The following ZC4H2 variants were observed in gnomAD, a reference collection of about 807,000 sequenced individuals.
ZC4H2 encodes zinc finger C4H2 domain-containing protein.
For missense variants in ZC4H2, 137 were observed against 173.9 expected, an observed-to-expected ratio of 0.79 and a Z score of 1.19; for synonymous variants, 84 against 66.3, an observed-to-expected ratio of 1.27 and a Z score of -1.30.
rs1264609979 is a variant in ZC4H2 at position 64,928,777 on chromosome X, CTCT to C, written c.54-6792_54-6790del. On this transcript the variant is annotated intron_variant, in intron 1 of 4. Coordinates refer to ENST00000374839, the MANE Select transcript of ZC4H2 (RefSeq NM_018684.4). ...CTTCTTTTCTTCTTCTTTTCTTCTT[CTCT>C]TCTTCTTCTTTTTCTTCTCCTTCTT... is the stretch of plus-strand genomic sequence containing the variant. 2.2e-3 allele frequency among the ~76,000 whole-genome samples: 211 copies of C among 96,045 alleles called. 1 individual carries two copies. The highest frequency in any genetic ancestry group is 6.9e-3 in the African/African-American group (177 of 25,702). The allele number at this position is 96,045 out of a possible 115,157, so 83.4% of individuals were successfully genotyped here.
intron 1 of ZC4H2, among the ~76,000 whole-genome samples, chrX:65,027,976 T>C (rs1932896449): frequency 8.9e-6 from 1 of 112,034 alleles, no homozygotes; most frequent in Non-Finnish European, 1.9e-5. Context: ...AACTACCAAA[T>C]GGCTATTCCA....
intron 1 of ZC4H2, among the ~76,000 whole-genome samples, chrX:65,014,679 T>A (rs1932785919): frequency 8.9e-6 from 1 of 111,996 alleles, no homozygotes; most frequent in Admixed American, 9.5e-5. Flanking sequence ...GTGAATAAAC[T>A]ATCTCCAAAG....
intron 1 of ZC4H2, among the ~76,000 whole-genome samples, chrX:64,947,845 CTTT>C (rs755382195): frequency 2.0e-5 from 2 of 100,885 alleles, no homozygotes; most frequent in South Asian, 4.3e-4. Context: ...TGTCACTTCT[CTTT>C]TTTTTTTTTT....
intron 1 of ZC4H2, among the ~76,000 whole-genome samples, chrX:64,988,899 A>G (rs1381163751): frequency 9.5e-6 from 1 of 105,363 alleles, no homozygotes; most frequent in Non-Finnish European, 1.9e-5. Context: ...TAATTTTTGT[A>G]TAAGGTGTAA....
chrX:65,008,962 G>T (rs1602452467), intron 1 of ZC4H2, among the ~76,000 whole-genome samples: 1 of 111,489 alleles, frequency 9.0e-6, no homozygotes, highest in African/African-American at 3.3e-5. Context: ...TAAAAGAGTA[G>T]AATTAAAATG....
chrX:64,972,803 T>C (rs1390355650), intron 1 of ZC4H2, among the ~76,000 whole-genome samples: 2 of 112,012 alleles, frequency 1.8e-5, no homozygotes, highest in African/African-American at 6.5e-5. Flanking sequence ...CTTCAGTTTC[T>C]TTGACCCTTT....
At chrX:64,987,052 C>A (rs181031263) in intron 1 of ZC4H2, among the ~76,000 whole-genome samples, 85 of 107,850 alleles carry the variant, frequency 7.9e-4, no homozygotes, top group Middle Eastern at 4.8e-3. Context: ...CTCAGCCTCC[C>A]GAGTAGCTGG....
intron 4 of ZC4H2, chrX:64,918,454 T>C (rs1188606321): frequency 8.8e-6 from 1 of 113,745 alleles, no homozygotes; most frequent in East Asian, 2.8e-4. Context: ...TGACCCCTGC[T>C]CTAGAAGAAT....
chrX:64,943,388 AT>A (rs1223982099), intron 1 of ZC4H2, among the ~76,000 whole-genome samples: 1 of 111,120 alleles, frequency 9.0e-6, no homozygotes, highest in African/African-American at 3.3e-5. Flanking sequence ...ATATCCTTGT[AT>A]TTTTTTCCAT....
At chrX:65,008,684 C>T (rs1270685289) in intron 1 of ZC4H2, among the ~76,000 whole-genome samples, 3 of 111,785 alleles carry the variant, frequency 2.7e-5, no homozygotes, top group Middle Eastern at 4.2e-3. Flanking sequence ...GAACTGGTGG[C>T]CATTATGTTA....
intron 1 of ZC4H2, among the ~76,000 whole-genome samples, chrX:64,995,098 A>G (rs1324350696): frequency 2.8e-5 from 3 of 106,612 alleles, no homozygotes; most frequent in Non-Finnish European, 5.8e-5. Context: ...GTTTCACAGA[A>G]TCCCCTTGTC....
At chrX:64,942,632 T>G (rs920018210) in intron 1 of ZC4H2, among the ~76,000 whole-genome samples, 1 of 111,071 alleles carries the variant, frequency 9.0e-6, no homozygotes, top group Non-Finnish European at 1.9e-5. Context: ...GTTTTCAGCT[T>G]CATCAATGTC....
At chrX:64,999,689 T>C (rs764339421) in intron 1 of ZC4H2, among the ~76,000 whole-genome samples, 3 of 112,458 alleles carry the variant, frequency 2.7e-5, no homozygotes, top group Non-Finnish European at 5.6e-5. Flanking sequence ...TAAGATCCAC[T>C]GGCTTGAAAT....
intron 1 of ZC4H2, among the ~76,000 whole-genome samples, chrX:64,955,959 C>G (rs1376741151): frequency 1.8e-5 from 2 of 111,542 alleles, no homozygotes; most frequent in African/African-American, 3.3e-5. Flanking sequence ...TATGAGGAGG[C>G]CTTTACTCTT....
intron 1 of ZC4H2, among the ~76,000 whole-genome samples, chrX:65,005,694 C>A (rs1157199689): frequency 9.0e-6 from 1 of 111,274 alleles, no homozygotes; most frequent in Non-Finnish European, 1.9e-5. Flanking sequence ...GCAACAAAAG[C>A]CAAATTTGAC....
chrX:64,983,926 C>A (rs1346078141), intron 1 of ZC4H2, among the ~76,000 whole-genome samples: 2 of 111,543 alleles, frequency 1.8e-5, no homozygotes, highest in African/African-American at 3.3e-5. Flanking sequence ...TTATTAGTAA[C>A]CTCCTTGTTT....
intron 1 of ZC4H2, among the ~76,000 whole-genome samples, chrX:64,993,996 T>C (rs1932360374): frequency 8.9e-6 from 1 of 111,996 alleles, no homozygotes; most frequent in Non-Finnish European, 1.9e-5. Flanking sequence ...TTTTCATGTG[T>C]CTAAGATAAT....
chrX:65,022,068 C>T (rs774448487), intron 1 of ZC4H2, among the ~76,000 whole-genome samples: 24 of 111,602 alleles, frequency 2.2e-4, no homozygotes, highest in Non-Finnish European at 3.2e-4. Context: ...CAGGTCCAGA[C>T]GGATTCACAG....
At chrX:64,997,397 A>G (rs1932437852) in intron 1 of ZC4H2, among the ~76,000 whole-genome samples, 1 of 112,157 alleles carries the variant, frequency 8.9e-6, no homozygotes, top group African/African-American at 3.2e-5. Context: ...ACTCAAAACC[A>G]TATGAAGAAA....
Sources: allele counts gnomAD v4.1 joint callset (sites outside exome capture counted in the v4.1 genomes callset), GRCh38; gene constraint gnomAD v4.1.1; transcripts MANE v1.5; gene names NCBI Gene and HGNC (gene_info 2026-07-23, HGNC 2026-07-21).